The following PUS1 variants were observed in gnomAD, a reference collection of about 807,000 sequenced individuals.
The protein encoded by PUS1 is pseudouridine synthase 1.
PUS1 carries 25 observed loss-of-function variants against 38.5 expected under a neutral mutation model. That is an observed-to-expected ratio of 0.65 (90% confidence interval 0.47 to 0.91). The LOEUF (loss-of-function observed/expected upper bound fraction) is 0.91. Among genes scored for constraint, PUS1 ranks in the 40% least tolerant of loss-of-function variants. The pLI is 0.00. For missense variants in PUS1, 597 were observed against 612.3 expected (o/e 0.97, Z 0.26); for synonymous variants, 282 against 260.4 (o/e 1.08, Z -0.80).
intron 2 of PUS1, among the ~76,000 whole-genome samples, chr12:131,930,465 C>G (rs374357757): frequency 2.0e-5 from 3 of 152,198 alleles, no homozygotes; most frequent in Admixed American, 1.3e-4. Context: ...TACTGACGCT[C>G]GGTGCTGAGA....
chr12:131,930,782 C>T (rs778851606), intron 2 of PUS1, among the ~76,000 whole-genome samples: 16 of 152,046 alleles, frequency 1.1e-4, no homozygotes, highest in African/African-American at 1.5e-4. Flanking sequence ...CTTGACCTCA[C>T]GGCCTGAATA....
At chr12:131,933,322 A>G (rs929008103) in intron 3 of PUS1, among the ~76,000 whole-genome samples, 9 of 151,766 alleles carry the variant, frequency 5.9e-5, no homozygotes, top group African/African-American at 2.2e-4. Context: ...ATGAACCGCC[A>G]CATCTGGCTT....
chr12:131,939,632 T>C (rs1890982159), intron 4 of PUS1, among the ~76,000 whole-genome samples: 1 of 152,236 alleles, frequency 6.6e-6, no homozygotes, highest in African/African-American at 2.4e-5. Flanking sequence ...TACAGGCAAC[T>C]TACATAATAC....
rs999017182 is a variant in PUS1, at chr12:131,945,012, C to T, written c.*1426C>T. On this transcript the variant is annotated 3_prime_UTR_variant, in exon 6 of 6. Coordinates refer to ENST00000376649, the MANE Select transcript of PUS1 (RefSeq NM_025215.6). ...AGGAAGTGCCGTGCATACACGTGGC[C>T]TCCCAGCCTGCAGCCCGTGGGCGCA... is the stretch of plus-strand genomic sequence containing the variant. 5 of 152,406 alleles carry T rather than the reference C, an allele frequency of 3.3e-5. No individual in the cohort carries two copies. The highest frequency in any genetic ancestry group is 1.2e-4 in the African/African-American group (5 of 41,600). The allele number at this position is 152,406 out of a possible 1,614,324, so 9.4% of individuals were successfully genotyped here.
Position 131,945,617 on chromosome 12 carries a change from C to G in PUS1, c.*2031C>G, listed in dbSNP as rs1015116981. On this transcript the variant is annotated 3_prime_UTR_variant, in exon 6 of 6. Coordinates refer to ENST00000376649, the MANE Select transcript of PUS1 (RefSeq NM_025215.6). ...GCTCAAGCGATTCTCCTTCCTCAGC[C>G]TCCAGAGTAGCTGAGAGTACAGGTG... 3.3e-5 allele frequency: 5 copies of G among 152,254 alleles called. No homozygotes were observed. The highest frequency in any genetic ancestry group is 1.2e-4 in the African/African-American group (5 of 41,452). The allele number at this position is 152,254 out of a possible 1,614,324, so 9.4% of individuals were successfully genotyped here.
chr12:131,935,105 G>A lies in PUS1; in HGVS notation c.441+2793G>A, dbSNP rs551086345. Among the ~76,000 whole-genome samples, 8 of 145,960 alleles carry A rather than the reference G, an allele frequency of 5.5e-5. 1 individual carries two copies. In the South Asian group the frequency reaches 1.6e-3, roughly 29 times the overall value. Reference sequence around the variant, plus strand: ...TGAGAACACAAAGAGGGATCCACAAGTTCACTCCTAGTGGGTGAGAACACA... The same window carrying A: ...TGAGAACACAAAGAGGGATCCACAAATTCACTCCTAGTGGGTGAGAACACA... On this transcript the variant is annotated intron_variant, in intron 3 of 5. Transcript: ENST00000376649.
At position 131,937,734 on chromosome 12, in the gene PUS1, CAG is replaced by C. The variant is rs573173172; in HGVS notation, c.442-1436_442-1435del. On this transcript the variant is annotated intron_variant, in intron 3 of 5. Transcript: ENST00000376649. ...TATCTTTTTTTTACCTTTTTTGAGA[CAG>C]AGTCTTGCTCTGTTGCCCAGGCTGG... Among the ~76,000 whole-genome samples, 5 of 152,156 alleles carry C rather than the reference CAG, an allele frequency of 3.3e-5. No individual in the cohort carries two copies. In the South Asian group the frequency reaches 6.2e-4, roughly 19 times the overall value.
At chr12:131,932,403 T>A in intron 3 of PUS1, 91 bp downstream of exon 3, 1 of 1,423,628 alleles carries the variant, frequency 7.0e-7, no homozygotes, top group Non-Finnish European at 9.8e-7. Flanking sequence ...TTATGCTGTT[T>A]CTGAGCACAT....
At chr12:131,929,832 C>G in intron 1 of PUS1, 36 bp downstream of exon 1, 2 of 1,506,518 alleles carry the variant, frequency 1.3e-6, no homozygotes, top group Non-Finnish European at 1.8e-6. Context: ...CCGCTATGCC[C>G]GCCCAGCCCA....
chr12:131,939,241 C>T lies in PUS1; in HGVS notation c.510C>T (p.Ile170=). The T allele has an allele frequency of 6.4e-7, 1 of 1,560,122 alleles. No individual in the cohort carries two copies. Among genetic ancestry groups the T allele is most frequent in the Non-Finnish European group, 8.7e-7 (1 of 1,150,578 alleles). The change falls in exon 4 of 6, where the codon ATC becomes ATT. Residue 170 remains isoleucine (I), a synonymous_variant. Transcript: ENST00000376649. ...TGATTGACGACATTCTAGAAAAGAT[C>T]AACAGCCACCTTCCCTCTCACATTC... ...VWLIDDILEK[I]NSHLPSHIRI...
In PUS1 at chr12:131,941,511, A is replaced by G; in HGVS notation, c.764A>G (p.Gln255Arg). The G allele has an allele frequency of 6.2e-7, 1 of 1,614,136 alleles. No homozygotes were observed. The highest frequency in any genetic ancestry group is 1.1e-5 in the South Asian group (1 of 91,082). ...AATTTCACCTCGCAGAAGGGGCCGCAGGATCCCAGTGCCTGCCGCTACATC... is the reference window on the plus strand; with the variant it reads ...AATTTCACCTCGCAGAAGGGGCCGCGGGATCCCAGTGCCTGCCGCTACATC... ...FHNFTSQKGP[Q>R]DPSACRYILE... Residue 255 changes from glutamine to arginine, a missense_variant, in exon 5 of 6, where the codon CAG (glutamine) becomes CGG (arginine). Gln to Arg is a conservative substitution (Grantham distance 43). Coordinates refer to ENST00000376649, the MANE Select transcript of PUS1 (RefSeq NM_025215.6). The surrounding 1 kb of genome is among the most constrained non-coding windows in gnomAD (Gnocchi z 4.4).
Position 131,941,744 on chromosome 12 carries a change from C to T in PUS1, c.997C>T (p.Leu333=), listed in dbSNP as rs1170467930. 1.2e-6 allele frequency: 2 copies of T among 1,614,018 alleles called. No homozygotes were observed. The highest frequency in any genetic ancestry group is 2.7e-5 in the African/African-American group (2 of 74,920). Residue 333 remains leucine, a synonymous_variant, in exon 5 of 6, where the codon CTG becomes TTG. Transcript: ENST00000376649. The surrounding 1 kb of genome is among the most constrained non-coding windows in gnomAD (Gnocchi z 4.4). The part of the protein sequence containing the change: ...VDVPKAPGLG[L]VLERVHFEKY... Reference sequence around the variant, plus strand: ...CGTGCCCAAGGCGCCCGGACTCGGCCTGGTCCTGGAGAGGGTGCACTTCGA... The same window carrying T: ...CGTGCCCAAGGCGCCCGGACTCGGCTTGGTCCTGGAGAGGGTGCACTTCGA...
chr12:131,930,905 C>A (rs2136430747), intron 2 of PUS1, among the ~76,000 whole-genome samples: 1 of 152,246 alleles, frequency 6.6e-6, no homozygotes, highest in South Asian at 2.1e-4. Flanking sequence ...TCAAGCGATC[C>A]TCCTGCCTCG....
At chr12:131,931,243 C>G (rs1331040235) in intron 2 of PUS1, among the ~76,000 whole-genome samples, 1 of 152,096 alleles carries the variant, frequency 6.6e-6, no homozygotes, top group Non-Finnish European at 1.5e-5. Flanking sequence ...ACTGCAGCCT[C>G]CGCCTCCCGG....
At chr12:131,933,450 T>C (rs1365197176) in intron 3 of PUS1, among the ~76,000 whole-genome samples, 1 of 152,252 alleles carries the variant, frequency 6.6e-6, no homozygotes, top group Non-Finnish European at 1.5e-5. Context: ...TTTTTGTGTG[T>C]ATGCTAAGTC....
In PUS1 at chr12:131,939,124, C is replaced by T. The variant is rs772305033; in HGVS notation, c.442-49C>T. On this transcript the variant is annotated intron_variant, in intron 3 of 5. Coordinates refer to ENST00000376649, the MANE Select transcript of PUS1 (RefSeq NM_025215.6). ...TCCTTCTTTCTCAGAGACCAGCGTG[C>T]GAGGCCCAAGGGACCCACCTTCCGT... 122 of 1,222,040 alleles carry T rather than the reference C, an allele frequency of 1.0e-4. 1 individual carries two copies. The highest frequency in any genetic ancestry group is 9.3e-4 in the South Asian group (72 of 77,512). 75.7% of individuals were successfully genotyped at this position (1,222,040 alleles called of 1,614,324 possible).
At chr12:131,942,191 CT>C (rs1195846840) in intron 5 of PUS1, among the ~76,000 whole-genome samples, 1 of 152,184 alleles carries the variant, frequency 6.6e-6, no homozygotes, top group East Asian at 1.9e-4. Context: ...CTTTTCGACC[CT>C]GGGAGGGCTG....
chr12:131,934,344 A>C (rs1890734625), intron 3 of PUS1, among the ~76,000 whole-genome samples: 1 of 152,100 alleles, frequency 6.6e-6, no homozygotes, highest in African/African-American at 2.4e-5. Context: ...CTGTGAAGTA[A>C]CAGGTGCCTT....
chr12:131,935,695 G>A (rs1192268630), intron 3 of PUS1, among the ~76,000 whole-genome samples: 3 of 151,832 alleles, frequency 2.0e-5, no homozygotes, highest in African/African-American at 2.4e-5. Context: ...CACCACGCCC[G>A]GCTGATTTTG....
Sources: allele counts gnomAD v4.1 joint callset (sites outside exome capture counted in the v4.1 genomes callset), GRCh38; gene constraint gnomAD v4.1.1; non-coding constraint Gnocchi (gnomAD v3.1); transcripts MANE v1.5; gene names NCBI Gene and HGNC (gene_info 2026-07-23, HGNC 2026-07-21).